Variants in BRCA1 observed in about 807,000 individuals in gnomAD.
BRCA1 encodes the protein BRCA1 DNA repair associated, also known as breast cancer type 1 susceptibility protein.
Under a neutral mutation model 173.7 loss-of-function variants are expected in BRCA1, and 140 were observed. That is an observed-to-expected ratio of 0.81 (90% CI 0.70 to 0.93). The LOEUF is 0.93. BRCA1 is among the 40% of genes least tolerant of loss of function. BRCA1 has a pLI of 0.00. For missense variants in BRCA1, 1,983 were observed against 2,172.5 expected, an observed-to-expected ratio of 0.91 and a Z score of 1.73; for synonymous variants, 662 against 756.0, an observed-to-expected ratio of 0.88 and a Z score of 2.04.
At chr17:43,063,462 G>A (rs933399306) in intron 17 of BRCA1, 89 bp from the exon 18 acceptor site, 2 of 1,099,470 alleles carry the variant, frequency 1.8e-6, no homozygotes, top group Non-Finnish European at 1.4e-6. Flanking sequence ...TCACAAAAGA[G>A]CACAGGAAGA....
At chr17:43,075,849 T>C (rs957296288) in intron 13 of BRCA1, among the ~76,000 whole-genome samples, 13 of 152,080 alleles carry the variant, frequency 8.5e-5, no homozygotes, top group Non-Finnish European at 1.6e-4. Flanking sequence ...TTTCTGGCTT[T>C]GGGAGGGCAA....
chr17:43,061,817 T>C (rs1224371185), intron 18 of BRCA1, among the ~76,000 whole-genome samples: 1 of 152,116 alleles, frequency 6.6e-6, no homozygotes, highest in Admixed American at 6.6e-5. Flanking sequence ...ACTCCTGACC[T>C]CAAGTGATCC....
chr17:43,060,152 C>T lies in BRCA1; in HGVS notation c.5194-3017G>A, dbSNP rs11652377. Among the ~76,000 whole-genome samples the T allele has an allele frequency of 0.29, 44,658 of 151,906 alleles. 7,171 individuals are homozygous for T. Among genetic ancestry groups the T allele is most frequent in the South Asian group, 0.49 (2,369 of 4,810 alleles). ...ATGGTGCGATCTCAGCTCACCACAA[C>T]CTCCACCTCCCGGGTTGATGAAGTG... On this transcript the variant is annotated intron_variant, in intron 18 of 22. Coordinates refer to ENST00000357654, the MANE Select transcript of BRCA1 (RefSeq NM_007294.4).
At chr17:43,067,538 G>A (rs778065395) in intron 16 of BRCA1, 70 bp downstream of exon 16, 122 of 1,294,970 alleles carry the variant, frequency 9.4e-5, no homozygotes, top group Non-Finnish European at 1.2e-4. Flanking sequence ...ACAGGCATGC[G>A]CCACCGTGCC....
At chr17:43,053,143 A>G (rs1265208682) in intron 19 of BRCA1, among the ~76,000 whole-genome samples, 1 of 151,934 alleles carries the variant, frequency 6.6e-6, no homozygotes, top group Non-Finnish European at 1.5e-5. Context: ...CCCAAAGACA[A>G]GTCTGTTTGT....
chr17:43,056,615 G>C (rs2051468891), intron 19 of BRCA1, among the ~76,000 whole-genome samples: 2 of 152,132 alleles, frequency 1.3e-5, no homozygotes, highest in South Asian at 4.1e-4. Flanking sequence ...TGAGTTTTCA[G>C]TGAGCTGAGA....
intron 10 of BRCA1, 34 bp from the exon 11 acceptor site, chr17:43,091,066 A>C: frequency 6.3e-7 from 1 of 1,582,478 alleles, no homozygotes; most frequent in Non-Finnish European, 8.6e-7. Context: ...CAGATGTAAA[A>C]GCAGACTATA....
At chr17:43,084,506 G>A (rs1305664153) in intron 11 of BRCA1, among the ~76,000 whole-genome samples, 1 of 152,170 alleles carries the variant, frequency 6.6e-6, no homozygotes, top group Non-Finnish European at 1.5e-5. Context: ...AGAAGGAACA[G>A]CAATGGTTGC....
rs1024880674 is a variant in BRCA1 at position 43,089,715 on chromosome 17, T to TA, written c.4185+1228dup. Among the ~76,000 whole-genome samples, 109 of 147,466 alleles carry TA rather than the reference T, an allele frequency of 7.4e-4. No homozygotes were observed. In the East Asian group the frequency reaches 0.018, roughly 24 times the overall value. On this transcript the variant is annotated intron_variant, in intron 11 of 22. Coordinates refer to ENST00000357654, the MANE Select transcript of BRCA1 (RefSeq NM_007294.4). Reference sequence around the variant, plus strand: ...AGAAAAAAGATGATTTATGAGCAATTAAAAAAAAAATAGGCCAGGCGTGGT... The same window carrying TA: ...AGAAAAAAGATGATTTATGAGCAATTAAAAAAAAAAATAGGCCAGGCGTGGT...
At chr17:43,053,697 C>T (rs1456683919) in intron 19 of BRCA1, among the ~76,000 whole-genome samples, 3 of 151,684 alleles carry the variant, frequency 2.0e-5, no homozygotes, top group African/African-American at 2.4e-5. Context: ...AGTTTCAGGC[C>T]GGGCGCGGTG....
chr17:43,063,925 G>C lies in BRCA1; in HGVS notation c.5101C>G (p.Leu1701Val), dbSNP rs910555398. ...CCCGCAATTCCTAGAAAATATTTCA[G>C]TGTCCGTTCACACACAAACTCAGCA... ...TDAEFVCERT[L>V]KYFLGIAGGK... is the part of the protein sequence containing the mutation. Residue 1701 changes from leucine to valine, a missense_variant, in exon 17 of 23, where the codon CTG becomes GTG. Coordinates refer to ENST00000357654, the MANE Select transcript of BRCA1 (RefSeq NM_007294.4). 2.5e-6 allele frequency: 4 copies of C among 1,614,064 alleles called. No homozygotes were observed. Among genetic ancestry groups the C allele is most frequent in the Non-Finnish European group, 3.4e-6 (4 of 1,179,996 alleles).
At chr17:43,100,560 A>ATATATATATGT (rs1336557809) in intron 6 of BRCA1, among the ~76,000 whole-genome samples, 1 of 16,080 alleles carries the variant, frequency 6.2e-5, no homozygotes, top group East Asian at 1.3e-3. Flanking sequence ...GTGTGTGTGT[A>ATATATATATGT]TATATATATA....
At chr17:43,147,394 T>A (rs2056130485) in intron 1 of BRCA1, among the ~76,000 whole-genome samples, 1 of 152,168 alleles carries the variant, frequency 6.6e-6, no homozygotes. Context: ...TTTCACTGTG[T>A]TAGCCAGGAT....
At chr17:43,099,326 A>C (rs927691388) in intron 7 of BRCA1, among the ~76,000 whole-genome samples, 1 of 150,750 alleles carries the variant, frequency 6.6e-6, no homozygotes. Flanking sequence ...GCTGGAGTGC[A>C]ATGGTGCGAT....
Position 43,074,492 on chromosome 17 carries a change from T to A in BRCA1, c.4514A>T (p.Asp1505Val), listed in dbSNP as rs1567778319. The A allele has an allele frequency of 6.2e-7, 1 of 1,614,076 alleles. No homozygotes were observed. Among genetic ancestry groups the A allele is most frequent in the Non-Finnish European group, 8.5e-7 (1 of 1,179,960 alleles). Residue 1505 changes from aspartate (D) to valine (V), a missense_variant, in exon 14 of 23, where the codon GAT (aspartate) becomes GTT (valine). Physicochemically the swap from Asp to Val is radical, Grantham distance 152. Transcript: ENST00000357654. ...GCAACTGTGCATGTACCACCTATCATCTAATGATGGGCATTTAGAAGGGGA... is the reference window on the plus strand; with the variant it reads ...GCAACTGTGCATGTACCACCTATCAACTAATGATGGGCATTTAGAAGGGGA... The part of the protein sequence containing the change: ...RSSPSKCPSL[D>V]DRWYMHSCSG...
At chr17:43,131,387 AAT>A in intron 1 of BRCA1, 1 of 344,746 alleles carries the variant, frequency 2.9e-6, no homozygotes, top group South Asian at 2.2e-5. Flanking sequence ...TCAAAATAAT[AAT>A]AATAATAATA....
At chr17:43,079,374 G>T (rs2052894403) in intron 12 of BRCA1, 2 of 1,597,186 alleles carry the variant, frequency 1.3e-6, no homozygotes, top group African/African-American at 1.3e-5. Flanking sequence ...ACATGGAGTT[G>T]TTCCTTTGGC....
chr17:43,124,331 T>C lies in BRCA1; in HGVS notation c.-19-216A>G, dbSNP rs8176077. On this transcript the variant is annotated intron_variant, in intron 1 of 22. Transcript: ENST00000357654. ...ATAAATTCTGAATTTTTTCACATATTGCTGCCAACCCCTTGGGTCTTTTCC... is the reference window on the plus strand; with the variant it reads ...ATAAATTCTGAATTTTTTCACATATCGCTGCCAACCCCTTGGGTCTTTTCC... Among the ~76,000 whole-genome samples, 48,156 of 152,110 alleles carry C rather than the reference T, an allele frequency of 0.32. 7,961 individuals are homozygous for C. The highest frequency in any genetic ancestry group is 0.49 in the South Asian group (2,382 of 4,832).
chr17:43,150,160 A>G (rs1224093712), intron 1 of BRCA1, among the ~76,000 whole-genome samples: 2 of 151,862 alleles, frequency 1.3e-5, no homozygotes, highest in African/African-American at 2.4e-5. Context: ...CCCTGGCTAG[A>G]GTGTAGTGGC....
Sources: allele counts gnomAD v4.1 joint callset (sites outside exome capture counted in the v4.1 genomes callset), GRCh38; gene constraint gnomAD v4.1.1; transcripts MANE v1.5; gene names NCBI Gene and HGNC (gene_info 2026-07-23, HGNC 2026-07-21).